Variants in SLC28A1 observed in about 807,000 individuals in gnomAD.
SLC28A1 encodes solute carrier family 28 member 1, also known as sodium/nucleoside cotransporter 1.
Under a neutral mutation model 74.8 loss-of-function variants are expected in SLC28A1, and 64 were observed. That is an observed-to-expected ratio of 0.86 (90% confidence interval 0.70 to 1.05). SLC28A1 has a LOEUF of 1.05. Among genes scored for constraint, SLC28A1 ranks in the 50% least tolerant of loss-of-function variants. SLC28A1 has a pLI of 0.00. For synonymous variants in SLC28A1, 359 were observed against 335.0 expected (o/e 1.07, Z -0.78); for missense variants, 828 against 822.8 (o/e 1.01, Z -0.08).
At chr15:84,903,022 G>T (rs912974341) in intron 6 of SLC28A1, among the ~76,000 whole-genome samples, 1 of 152,154 alleles carries the variant, frequency 6.6e-6, no homozygotes, top group Admixed American at 6.5e-5. Flanking sequence ...GAGCCACTGC[G>T]CCCAGCCACA....
chr15:84,963,060 T>C, the SLC28A1 span, among the ~76,000 whole-genome samples: 1 of 152,206 alleles, frequency 6.6e-6, no homozygotes, highest in Non-Finnish European at 1.5e-5. Flanking sequence ...CCTAAGACCC[T>C]GGGACCTTGG....
intron 15 of SLC28A1, among the ~76,000 whole-genome samples, chr15:84,937,602 T>A (rs1972085229): frequency 1.3e-5 from 2 of 152,184 alleles, no homozygotes; most frequent in African/African-American, 2.4e-5. Context: ...TCTAGGTTTT[T>A]TAAAAAAGAA....
At chr15:84,943,367 C>A in intron 15 of SLC28A1, 78 bp from the exon 16 acceptor site, 1 of 1,006,652 alleles carries the variant, frequency 9.9e-7, no homozygotes, top group Non-Finnish European at 1.6e-6. Context: ...AAATTAAGGC[C>A]AGGGAGCCTG....
intron 6 of SLC28A1, among the ~76,000 whole-genome samples, chr15:84,902,207 C>T (rs546615013): frequency 7.2e-5 from 11 of 152,158 alleles, no homozygotes; most frequent in South Asian, 2.1e-4. Context: ...AGGCAGGGTG[C>T]GGTGGCTCAC....
chr15:84,912,425 A>T (rs982313731), intron 9 of SLC28A1, among the ~76,000 whole-genome samples: 15 of 152,132 alleles, frequency 9.9e-5, no homozygotes, highest in South Asian at 2.1e-4. Flanking sequence ...TCTGGGGGGA[A>T]GTAAAGTCTC....
chr15:84,933,316 A>T (rs1300973614), intron 13 of SLC28A1, 41 bp downstream of exon 13: 1 of 1,605,372 alleles, frequency 6.2e-7, no homozygotes, highest in Admixed American at 1.7e-5. Flanking sequence ...GTAGTGGTAC[A>T]AGGTGGGGGG....
rs1971507292 is a variant in SLC28A1, at chr15:84,933,193, G to T, written c.1132G>T (p.Ala378Ser). Residue 378 changes from alanine to serine, a missense_variant, in exon 13 of 19, where the codon GCC becomes TCC. Around this residue, in one of 3 missense-constraint regions of SLC28A1, gnomAD observed 767 missense variants for 753.5 expected, o/e 1.02. Coordinates refer to ENST00000394573, the MANE Select transcript of SLC28A1 (RefSeq NM_004213.5). ...AGCCTCTGTGATGGCTGCCCCTTGT[G>T]CCTTGGCCCTCTCCAAGCTGGTCTA... ...IAASVMAAPC[A>S]LALSKLVYPE... The T allele has an allele frequency of 6.2e-7, 1 of 1,613,694 alleles. No homozygotes were observed. The highest frequency in any genetic ancestry group is 8.5e-7 in the Non-Finnish European group (1 of 1,179,884).
the SLC28A1 span, among the ~76,000 whole-genome samples, chr15:84,972,644 A>C: frequency 6.6e-6 from 1 of 152,188 alleles, no homozygotes; most frequent in Non-Finnish European, 1.5e-5. Context: ...TCAGGGTCCC[A>C]CTGTACCCTT....
At chr15:84,910,709 C>T (rs1968066325) in intron 9 of SLC28A1, among the ~76,000 whole-genome samples, 2 of 152,178 alleles carry the variant, frequency 1.3e-5, no homozygotes, top group Non-Finnish European at 2.9e-5. Flanking sequence ...GCCTGGGCAA[C>T]AAGAGCGAAA....
At chr15:84,965,911 G>C in the SLC28A1 span, among the ~76,000 whole-genome samples, 5,140 of 144,962 alleles carry the variant, frequency 0.035, 310 homozygotes, top group East Asian at 0.13. Flanking sequence ...GGAGGGGGGG[G>C]AAATATTAGG....
At chr15:84,924,172 C>A (rs952557593) in intron 12 of SLC28A1, 62 bp downstream of exon 12, 2 of 1,549,808 alleles carry the variant, frequency 1.3e-6, no homozygotes, top group Non-Finnish European at 1.8e-6. Flanking sequence ...TTTGTGGGAG[C>A]CCCACACAGC....
the SLC28A1 span, among the ~76,000 whole-genome samples, chr15:84,952,945 T>C: frequency 2.6e-5 from 4 of 152,240 alleles, no homozygotes; most frequent in Non-Finnish European, 2.9e-5. Context: ...AAGATTGCTT[T>C]TATCCCTTGA....
intron 13 of SLC28A1, among the ~76,000 whole-genome samples, chr15:84,934,271 C>A (rs1175639977): frequency 6.6e-6 from 1 of 152,168 alleles, no homozygotes; most frequent in Admixed American, 6.5e-5. Context: ...GGGAGTGTGG[C>A]CTGGTTCTTG....
rs374378144 is a variant in SLC28A1 at position 84,922,525 on chromosome 15, G to A, written c.957+1456G>A. Among the ~76,000 whole-genome samples the A allele has an allele frequency of 1.2e-4, 18 of 152,028 alleles. No individual in the cohort carries two copies. The East Asian group carries it at 3.3e-3, about 28-fold the overall frequency. ...CTCTGTGGCCCATCTACAACCCCCC[G>A]CTGCCCGGGCCACCTGCCTCTCACC... On this transcript the variant is annotated intron_variant, in intron 11 of 18. Coordinates refer to ENST00000394573, the MANE Select transcript of SLC28A1 (RefSeq NM_004213.5).
At chr15:84,918,674 A>G in intron 10 of SLC28A1, 70 bp downstream of exon 10, 1 of 1,193,924 alleles carries the variant, frequency 8.4e-7, no homozygotes, top group South Asian at 1.2e-5. Flanking sequence ...ACTGTCCCAG[A>G]ATGCCTTGCT....
At position 84,935,122 on chromosome 15, in the gene SLC28A1, T is replaced by C. The variant is rs1971729433; in HGVS notation, c.1311T>C (p.Ala437=). The C allele has an allele frequency of 3.7e-6, 6 of 1,614,182 alleles. No homozygotes were observed. The highest frequency in any genetic ancestry group is 5.1e-6 in the Non-Finnish European group (6 of 1,179,990). ...CTGCCAACCTGATTGCGTTCCTGGC[T>C]GTGCTGGACTTTATCAATGCTGCCC... ...NIAANLIAFL[A]VLDFINAALS... The change falls in exon 14 of 19, where the codon GCT becomes GCC. Residue 437 remains alanine (A), a synonymous_variant. Coordinates refer to ENST00000394573, the MANE Select transcript of SLC28A1 (RefSeq NM_004213.5).
At chr15:84,893,096 G>A (rs1388310871) in intron 5 of SLC28A1, among the ~76,000 whole-genome samples, 3 of 115,116 alleles carry the variant, frequency 2.6e-5, no homozygotes, top group Non-Finnish European at 5.2e-5. Context: ...GGCCCGCCCC[G>A]ACCACAAAGC....
chr15:84,965,419 GT>G, the SLC28A1 span, among the ~76,000 whole-genome samples: 2 of 152,056 alleles, frequency 1.3e-5, no homozygotes, highest in African/African-American at 4.8e-5. Flanking sequence ...CAGTTTTTTG[GT>G]GGCAATACAT....
chr15:84,928,138 C>T (rs1970719610), intron 12 of SLC28A1, among the ~76,000 whole-genome samples: 1 of 152,212 alleles, frequency 6.6e-6, no homozygotes, highest in Non-Finnish European at 1.5e-5. Flanking sequence ...GGCAGTCTGG[C>T]TTCCCCATTG....
Sources: allele counts gnomAD v4.1 joint callset (sites outside exome capture counted in the v4.1 genomes callset), GRCh38; gene constraint gnomAD v4.1.1; regional missense constraint gnomAD v4.1.1; transcripts MANE v1.5; gene names NCBI Gene and HGNC (gene_info 2026-07-23, HGNC 2026-07-21).